Variants in HECW2 observed in about 807,000 individuals in gnomAD.
HECW2 encodes the protein E3 ubiquitin-protein ligase HECW2.
A neutral mutation model predicts 175.2 loss-of-function variants in HECW2; 61 were observed. That is an observed-to-expected ratio of 0.35 (90% CI 0.28 to 0.43). The LOEUF is 0.43. Among genes scored for constraint, HECW2 ranks in the 20% least tolerant of loss-of-function variants. HECW2 has a pLI of 1.00. For missense variants in HECW2, 1,524 were observed against 2,000.5 expected, an observed-to-expected ratio of 0.76 and a Z score of 4.54; for synonymous variants, 671 against 731.0, an observed-to-expected ratio of 0.92 and a Z score of 1.32.
chr2:196,379,738 ATAT>A (rs1694156957), intron 2 of HECW2, among the ~76,000 whole-genome samples: 3 of 151,944 alleles, frequency 2.0e-5, no homozygotes, highest in Middle Eastern at 3.4e-3. Context: ...ACTTTCCTAA[ATAT>A]GTGCAATTCC....
intron 24 of HECW2, among the ~76,000 whole-genome samples, chr2:196,221,849 C>T (rs945713777): frequency 6.6e-6 from 1 of 152,170 alleles, no homozygotes; most frequent in Admixed American, 6.5e-5. Flanking sequence ...CATGAGCCAC[C>T]GTGCCCAGCC....
chr2:196,319,445 A>G lies in HECW2; in HGVS notation c.1445T>C (p.Leu482Ser). The change falls in exon 9 of 29, where the codon TTG (leucine) becomes TCG (serine). Residue 482 changes from leucine (L) to serine (S), a missense_variant. This residue lies in a region of HECW2 where 604 missense variants were observed against 588.3 expected (regional missense o/e 1.03). Transcript: ENST00000644978. ...CATGATCAGGCCTCCCTCCTCCTCC[A>G]AGGAAGATGGGTAACCCAGGTCTTG... is the stretch of plus-strand genomic sequence containing the variant. ...FQQDLGYPSS[L>S]EEEGGLIMFS... 1 of 1,613,888 alleles carries G rather than the reference A, an allele frequency of 6.2e-7. No individual in the cohort carries two copies. The highest frequency in any genetic ancestry group is 8.5e-7 in the Non-Finnish European group (1 of 1,179,936).
chr2:196,278,133 A>AAAAAAAAATATATATATATATAT (rs531920307), intron 15 of HECW2, among the ~76,000 whole-genome samples: 1 of 66,552 alleles, frequency 1.5e-5, no homozygotes, highest in Non-Finnish European at 3.3e-5. Flanking sequence ...ATAATTAAAA[A>AAAAAAAAATATATATATATATAT]ATATATATAT....
intron 17 of HECW2, chr2:196,263,331 A>C (rs890421428): frequency 6.6e-6 from 1 of 152,190 alleles, no homozygotes; most frequent in Admixed American, 6.6e-5. Context: ...ACAAAGTCTC[A>C]AGACTGAATT....
chr2:196,252,959 C>T (rs965512818), intron 19 of HECW2, among the ~76,000 whole-genome samples: 1 of 152,198 alleles, frequency 6.6e-6, no homozygotes, highest in Admixed American at 6.5e-5. Context: ...TATTTGTTGA[C>T]TCACTGCCAC....
chr2:196,307,056 T>A, intron 12 of HECW2, 74 bp downstream of exon 12: 1 of 1,041,132 alleles, frequency 9.6e-7, no homozygotes, highest in South Asian at 1.4e-5. Flanking sequence ...AGAAAAGCCT[T>A]ACTTGTTGGG....
chr2:196,343,304 T>C (rs1022003688), intron 3 of HECW2, among the ~76,000 whole-genome samples: 2 of 152,230 alleles, frequency 1.3e-5, no homozygotes, highest in Admixed American at 6.5e-5. Context: ...ATGCAAATAA[T>C]TGTTATACCA....
chr2:196,369,041 C>T (rs1693833704), intron 2 of HECW2, among the ~76,000 whole-genome samples: 1 of 152,108 alleles, frequency 6.6e-6, no homozygotes, highest in African/African-American at 2.4e-5. Flanking sequence ...TGTGAATGTT[C>T]TTCAGGGTCT....
chr2:196,433,210 G>T lies in HECW2; in HGVS notation c.214C>A (p.Gln72Lys), dbSNP rs752817634. ...CAGAAGATAATGAGGTTCTGGGCTT[G>T]CCCCAGCGTGTACTCGTACATGCTG... ...TASMYEYTLG[Q>K]AQNLIIFWDI... The change falls in exon 2 of 29, where the codon CAA (glutamine) becomes AAA (lysine). Residue 72 changes from glutamine (Q) to lysine (K), a missense_variant. By Grantham distance (53) the Gln-to-Lys change is moderately conservative. Around this residue, in one of 11 missense-constraint regions of HECW2, gnomAD observed 135 missense variants for 214.6 expected, o/e 0.63. Transcript: ENST00000644978. 3 of 1,614,146 alleles carry T rather than the reference G, an allele frequency of 1.9e-6. No individual in the cohort carries two copies. In the South Asian group the frequency reaches 3.3e-5, roughly 18 times the overall value.
At chr2:196,452,597 A>G (rs926213587) in intron 1 of HECW2, among the ~76,000 whole-genome samples, 3 of 152,196 alleles carry the variant, frequency 2.0e-5, no homozygotes, top group Non-Finnish European at 4.4e-5. Flanking sequence ...CATGTGATCC[A>G]GTGCAAAGCC....
chr2:196,429,386 A>G (rs1695642097), intron 2 of HECW2, among the ~76,000 whole-genome samples: 1 of 152,230 alleles, frequency 6.6e-6, no homozygotes, highest in African/African-American at 2.4e-5. Flanking sequence ...TGCTAGGGAT[A>G]GAAATCTATT....
chr2:196,440,452 C>A (rs1696005648), intron 1 of HECW2, among the ~76,000 whole-genome samples: 1 of 151,932 alleles, frequency 6.6e-6, no homozygotes, highest in Non-Finnish European at 1.5e-5. Flanking sequence ...TAAATAAGTA[C>A]TGTGCAAAAA....
chr2:196,283,261 CAAAAAAA>C (rs1190850443), intron 14 of HECW2, among the ~76,000 whole-genome samples: 8 of 45,288 alleles, frequency 1.8e-4, no homozygotes, highest in African/African-American at 6.2e-4. Context: ...GACTCCATCT[CAAAAAAA>C]AAAAAAAAAA....
intron 1 of HECW2, among the ~76,000 whole-genome samples, chr2:196,589,593 C>G (rs182639425): frequency 4.6e-5 from 7 of 152,306 alleles, no homozygotes; most frequent in African/African-American, 1.7e-4. Flanking sequence ...CAAAAGCCCT[C>G]CTATTATCCT....
chr2:196,417,992 T>A (rs1695299833), intron 2 of HECW2, among the ~76,000 whole-genome samples: 1 of 152,354 alleles, frequency 6.6e-6, no homozygotes, highest in South Asian at 2.1e-4. Flanking sequence ...GTTAATTTAA[T>A]GTAAATTCCC....
intron 14 of HECW2, among the ~76,000 whole-genome samples, chr2:196,279,194 G>A (rs911238063): frequency 5.3e-5 from 8 of 151,916 alleles, no homozygotes; most frequent in Admixed American, 1.3e-4. Flanking sequence ...GACTACAGGC[G>A]CCCACCACCA....
intron 1 of HECW2, among the ~76,000 whole-genome samples, chr2:196,503,006 C>A (rs1199925490): frequency 3.3e-5 from 5 of 152,218 alleles, no homozygotes; most frequent in Non-Finnish European, 7.3e-5. Flanking sequence ...ATTCAGAATG[C>A]AGGAGTGTTG....
chr2:196,336,344 T>C (rs1692548899), intron 3 of HECW2, among the ~76,000 whole-genome samples: 1 of 152,182 alleles, frequency 6.6e-6, no homozygotes, highest in South Asian at 2.1e-4. Flanking sequence ...CAAAGCTAAG[T>C]AGTGTGCACG....
chr2:196,380,979 T>G (rs1417615684), intron 2 of HECW2, among the ~76,000 whole-genome samples: 1 of 152,148 alleles, frequency 6.6e-6, no homozygotes, highest in Non-Finnish European at 1.5e-5. Context: ...ATTGCTTTTT[T>G]GGGGAGCAGA....
Sources: allele counts gnomAD v4.1 joint callset (sites outside exome capture counted in the v4.1 genomes callset), GRCh38; gene constraint gnomAD v4.1.1; regional missense constraint gnomAD v4.1.1; transcripts MANE v1.5; gene names NCBI Gene and HGNC (gene_info 2026-07-23, HGNC 2026-07-21).